Variants in PDXDC1 observed in about 807,000 individuals in gnomAD.
PDXDC1 encodes the protein pyridoxal-dependent decarboxylase domain-containing protein 1.
Under a neutral mutation model 100.1 loss-of-function variants are expected in PDXDC1, and 42 were observed. The ratio of observed to expected loss-of-function variants is 0.42; its 90% confidence interval spans 0.33 to 0.54. The LOEUF (loss-of-function observed/expected upper bound fraction) is 0.54, where lower values mean the gene tolerates loss of function less well. PDXDC1 is among the 20% of genes least tolerant of loss of function. The pLI is 0.10. For synonymous variants in PDXDC1, 260 were observed against 371.7 expected (o/e 0.70, Z 3.46); for missense variants, 636 against 979.2 (o/e 0.65, Z 4.68).
At chr16:15,093,995 G>T (rs2046246445) in intron 16 of PDXDC1, 1 of 706,926 alleles carries the variant, frequency 1.4e-6, no homozygotes, top group African/African-American at 1.8e-5. Flanking sequence ...TAGGAGGAAT[G>T]AGCTCATTTC....
intron 16 of PDXDC1, among the ~76,000 whole-genome samples, chr16:15,119,466 T>G (rs2047363159): frequency 6.7e-6 from 1 of 149,866 alleles, no homozygotes; most frequent in South Asian, 2.1e-4. Context: ...TCGCCCAGGC[T>G]GGAGTGCAGT....
intron 16 of PDXDC1, among the ~76,000 whole-genome samples, chr16:15,095,685 C>T (rs1164311600): frequency 2.6e-5 from 4 of 152,014 alleles, no homozygotes; most frequent in African/African-American, 9.7e-5. Flanking sequence ...AACCCTGTCT[C>T]TACTAAAAAT....
Position 15,037,911 on chromosome 16 carries a change from A to G in PDXDC1, c.*1636A>G. The stretch of plus-strand genomic sequence containing the variant: ...TCATTTGATGAAAGTCATTTGAAAG[A>G]CACTGAGGAGGGAAGGAGGCCTAAG... On this transcript the variant is annotated 3_prime_UTR_variant, in exon 23 of 23. Coordinates refer to ENST00000396410, the MANE Select transcript of PDXDC1 (RefSeq NM_015027.4). The G allele has an allele frequency of 1.6e-6, 1 of 632,130 alleles. No individual in the cohort carries two copies. Among genetic ancestry groups the G allele is most frequent in the South Asian group, 2.4e-5 (1 of 41,266 alleles). 39.2% of individuals were successfully genotyped at this position (632,130 alleles called of 1,614,324 possible). A position where few individuals can be genotyped will look rare whatever the true frequency, so the allele number is the denominator to read the frequency against.
intron 16 of PDXDC1, among the ~76,000 whole-genome samples, chr16:15,102,214 C>T (rs1368586057): frequency 1.3e-5 from 2 of 151,158 alleles, no homozygotes; most frequent in Admixed American, 6.6e-5. Flanking sequence ...CTGGTCTCGA[C>T]CCCCTGGCCT....
rs201434078 is a variant in PDXDC1 at position 15,128,272 on chromosome 16, G to C, written c.1400-10607G>C. 2.2e-5 allele frequency: 35 copies of C among 1,610,962 alleles called. No individual in the cohort carries two copies. In the South Asian group the frequency reaches 3.7e-4, roughly 17 times the overall value. ...CCACACGCTACCCAGGCTGTGCGGGGTGGCGATCCGGAAGATGTCCAGGCT... is the reference window on the plus strand; with the variant it reads ...CCACACGCTACCCAGGCTGTGCGGGCTGGCGATCCGGAAGATGTCCAGGCT... On this transcript the variant is annotated intron_variant, in intron 16 of 16. Coordinates refer to the PDXDC1 transcript ENST00000535621.
chr16:15,149,250 G>A, the PDXDC1 span, among the ~76,000 whole-genome samples: 5 of 152,176 alleles, frequency 3.3e-5, no homozygotes, highest in Admixed American at 2.0e-4. Context: ...ACCTGCACTG[G>A]GGGTCCTTCC....
At chr16:14,995,323 C>A (rs1005966253) in intron 1 of PDXDC1, among the ~76,000 whole-genome samples, 8 of 152,280 alleles carry the variant, frequency 5.3e-5, no homozygotes, top group Non-Finnish European at 1.2e-4. Context: ...TCCGTCAATA[C>A]CCAGTTTATT....
At chr16:15,086,445 T>A in intron 16 of PDXDC1, 2 of 1,612,238 alleles carry the variant, frequency 1.2e-6, no homozygotes, top group Non-Finnish European at 1.7e-6. Context: ...CAGTTGATGA[T>A]CTGGTCATCC....
At chr16:15,021,967 T>A (rs1225864854) in intron 12 of PDXDC1, among the ~76,000 whole-genome samples, 2 of 152,298 alleles carry the variant, frequency 1.3e-5, no homozygotes, top group African/African-American at 4.8e-5. Context: ...GTTCCACTGA[T>A]GACAGTGTAT....
intron 16 of PDXDC1, chr16:15,128,209 G>T (rs755271733): frequency 2.5e-6 from 4 of 1,610,934 alleles, no homozygotes; most frequent in Admixed American, 3.3e-5. Flanking sequence ...AGCTTGGCAG[G>T]GTCCGCACAG....
At chr16:15,031,389 T>C (rs1047339334) in intron 16 of PDXDC1, among the ~76,000 whole-genome samples, 1 of 152,158 alleles carries the variant, frequency 6.6e-6, no homozygotes, top group Non-Finnish European at 1.5e-5. Context: ...GTCATAGGAA[T>C]GTACAGAATC....
intron 1 of PDXDC1, among the ~76,000 whole-genome samples, chr16:14,984,496 T>TATATATATATATATATATATATA (rs1491326563): frequency 3.9e-5 from 2 of 51,226 alleles, no homozygotes; most frequent in Admixed American, 3.5e-4. Context: ...TATATATATA[T>TATATATATATATATATATATATA]TTTTTTTTTT....
intron 12 of PDXDC1, among the ~76,000 whole-genome samples, chr16:15,022,357 G>C (rs371275431): frequency 2.6e-5 from 4 of 151,924 alleles, no homozygotes; most frequent in African/African-American, 7.3e-5. Flanking sequence ...GCTCTTGAGC[G>C]TGCTGCATCC....
Position 15,082,581 on chromosome 16 carries a change from G to A in PDXDC1, c.1399+52525G>A, listed in dbSNP as rs1399022570. ...CCACCTACTCGGGAGGCTGAGGTGG[G>A]AGAGTCACTTGAACCCTGGAGGCAG... On this transcript the variant is annotated intron_variant, in intron 16 of 16. Transcript: ENST00000535621. Among the ~76,000 whole-genome samples the A allele has an allele frequency of 2.0e-5, 3 of 152,010 alleles. No homozygotes were observed. The South Asian group carries it at 6.3e-4, about 32-fold the overall frequency.
intron 13 of PDXDC1, among the ~76,000 whole-genome samples, chr16:15,022,988 A>G (rs533993433): frequency 2.6e-5 from 4 of 152,404 alleles, no homozygotes; most frequent in East Asian, 1.9e-4. Flanking sequence ...TTTAATTCCT[A>G]TGGTGCTTTT....
chr16:15,068,368 A>T (rs1030591474), intron 16 of PDXDC1: 336 of 1,448,682 alleles, frequency 2.3e-4, no homozygotes, highest in Non-Finnish European at 2.9e-4. Context: ...TCACACATTT[A>T]AAAAAAACTT....
rs377146406 is a variant in PDXDC1, at chr16:15,076,600, T to C, written c.1399+46544T>C. 3.1e-6 allele frequency: 5 copies of C among 1,613,518 alleles called. No homozygotes were observed. The African/African-American group carries it at 4.0e-5, about 13-fold the overall frequency. The stretch of plus-strand genomic sequence containing the variant: ...CCGTGGAATCTGTCCCACCACAAGT[T>C]TGAGTTGCTGTTTCTTCAGCATCTT... On this transcript the variant is annotated intron_variant, in intron 16 of 16. Coordinates refer to the PDXDC1 transcript ENST00000535621.
intron 17 of PDXDC1, 192 bp from the exon 18 acceptor site, chr16:15,032,669 A>AAAAAAAAAAAAAAAATT: frequency 8.9e-6 from 4 of 448,488 alleles, no homozygotes; most frequent in Non-Finnish European, 7.8e-6. Flanking sequence ...AAAAAAAAAA[A>AAAAAAAAAAAAAAAATT]GGCTTTCCTG....
intron 16 of PDXDC1, chr16:15,061,771 C>T (rs376859834): frequency 1.5e-5 from 25 of 1,613,928 alleles, no homozygotes; most frequent in East Asian, 2.2e-5. Flanking sequence ...GCATGTACAA[C>T]ACGGGTGGGG....
Sources: gnomAD v4.1 joint callset for allele counts (sites outside exome capture counted in the v4.1 genomes callset) on GRCh38, gnomAD v4.1.1 for gene constraint, MANE v1.5 for transcripts, NCBI Gene and HGNC (gene_info 2026-07-23, HGNC 2026-07-21) for gene names.